LRRC31: variants seen among roughly 807,000 people sequenced by gnomAD.
LRRC31 encodes leucine-rich repeat-containing protein 31.
A neutral mutation model predicts 46.7 loss-of-function variants in LRRC31; 35 were observed. That is an observed-to-expected ratio of 0.75 (90% CI 0.57 to 0.99). The LOEUF is 0.99. Among genes scored for constraint, LRRC31 ranks in the 50% least tolerant of loss-of-function variants. The probability of loss-of-function intolerance (pLI) is 0.00; values close to 1 mark genes in which losing one functional copy is unlikely to be tolerated. For synonymous variants in LRRC31, 236 were observed against 235.1 expected (o/e 1.00, Z -0.03); for missense variants, 613 against 626.1 (o/e 0.98, Z 0.22).
chr3:169,864,075 G>A (rs1163506924), intron 1 of LRRC31, among the ~76,000 whole-genome samples: 1 of 151,834 alleles, frequency 6.6e-6, no homozygotes, highest in East Asian at 1.9e-4. Context: ...TCTTATTGCT[G>A]TCTCTCTTTT....
At chr3:169,866,823 A>C (rs898237007) in intron 1 of LRRC31, among the ~76,000 whole-genome samples, 3 of 152,070 alleles carry the variant, frequency 2.0e-5, no homozygotes, top group Admixed American at 6.6e-5. Flanking sequence ...TTAGCTGGGC[A>C]TGGTGGCGGA....
intron 8 of LRRC31, among the ~76,000 whole-genome samples, chr3:169,840,553 T>A (rs1780418773): frequency 6.6e-6 from 1 of 152,206 alleles, no homozygotes; most frequent in South Asian, 2.1e-4. Flanking sequence ...TTTTTTTTTG[T>A]CAAGTTCCTG....
At chr3:169,867,047 G>GTTTTTTTTTTTTTTTT (rs1560636105) in intron 1 of LRRC31, among the ~76,000 whole-genome samples, 13 of 92,674 alleles carry the variant, frequency 1.4e-4, no homozygotes, top group Middle Eastern at 5.0e-3. Context: ...GGTTTTTTTT[G>GTTTTTTTTTTTTTTTT]TTTGTTTGTT....
At chr3:169,864,816 C>T (rs1781280784) in intron 1 of LRRC31, among the ~76,000 whole-genome samples, 1 of 152,160 alleles carries the variant, frequency 6.6e-6, no homozygotes, top group African/African-American at 2.4e-5. Flanking sequence ...GTGGCTCATG[C>T]CTGTGATCCC....
At chr3:169,859,672 A>T (rs1358813730) in intron 3 of LRRC31, among the ~76,000 whole-genome samples, 5 of 152,322 alleles carry the variant, frequency 3.3e-5, no homozygotes, top group African/African-American at 1.2e-4. Context: ...GTTCTAGTTA[A>T]ACTATTAACT....
chr3:169,847,026 T>C (rs771415006), intron 8 of LRRC31, among the ~76,000 whole-genome samples: 3 of 152,176 alleles, frequency 2.0e-5, no homozygotes, highest in African/African-American at 4.8e-5. Context: ...CTGGAGTGAC[T>C]GTTCTGGCCC....
At chr3:169,858,054 A>G (rs1352992696) in intron 3 of LRRC31, among the ~76,000 whole-genome samples, 1 of 152,126 alleles carries the variant, frequency 6.6e-6, no homozygotes, top group Admixed American at 6.5e-5. Flanking sequence ...ACTCGGTACT[A>G]AACTATTATA....
chr3:169,854,029 C>A (rs964440055), intron 6 of LRRC31, among the ~76,000 whole-genome samples: 6 of 152,190 alleles, frequency 3.9e-5, no homozygotes, highest in Admixed American at 3.3e-4. Context: ...GCATGCCTGG[C>A]GTGTCTGAGA....
intron 1 of LRRC31, among the ~76,000 whole-genome samples, chr3:169,865,468 T>C (rs1262940545): frequency 6.6e-6 from 1 of 152,166 alleles, no homozygotes; most frequent in East Asian, 1.9e-4. Context: ...CTCTCGGTTC[T>C]TAGTGCTCTC....
Position 169,840,761 on chromosome 3 carries a change from G to C in LRRC31, c.1328-448C>G, listed in dbSNP as rs12330370. On this transcript the variant is annotated intron_variant, in intron 8 of 8. Transcript: ENST00000316428. ...CATTTTCCATATGCAGAACATACCTGGATAATTTCCAATTCACCTTAGAGA... is the reference window on the plus strand; with the variant it reads ...CATTTTCCATATGCAGAACATACCTCGATAATTTCCAATTCACCTTAGAGA... Among the ~76,000 whole-genome samples the C allele has an allele frequency of 5.5e-3, 841 of 152,202 alleles. 9 individuals carry two copies. The highest frequency in any genetic ancestry group is 0.019 in the African/African-American group (800 of 41,534).
In LRRC31 at chr3:169,856,464, T is replaced by C; in HGVS notation, c.695A>G (p.Asp232Gly). Residue 232 changes from aspartate to glycine, a missense_variant, in exon 5 of 9, where the codon GAT (aspartate) becomes GGT (glycine). By Grantham distance (94) the Asp-to-Gly change is moderately conservative. Transcript: ENST00000316428. Reference protein sequence around the residue: ...LPMLQSLEVLDLSINRDIVGS... With the variant: ...LPMLQSLEVLGLSINRDIVGS... ...AACAATGTCTCTGTTAATGGAAAGA[T>C]CAAGTACTTCGAGACTTTGCAGCAT... 1 of 1,604,712 alleles carries C rather than the reference T, an allele frequency of 6.2e-7. No individual in the cohort carries two copies. Among genetic ancestry groups the C allele is most frequent in the South Asian group, 1.1e-5 (1 of 89,442 alleles).
intron 3 of LRRC31, among the ~76,000 whole-genome samples, chr3:169,858,032 C>T (rs766804514): frequency 2.0e-5 from 3 of 152,132 alleles, no homozygotes; most frequent in Non-Finnish European, 4.4e-5. Context: ...ACTGGAGTGC[C>T]ATGCATTTGC....
At chr3:169,846,125 T>C (rs1445191650) in intron 8 of LRRC31, among the ~76,000 whole-genome samples, 1 of 152,212 alleles carries the variant, frequency 6.6e-6, no homozygotes, top group Non-Finnish European at 1.5e-5. Context: ...ACATCATTGG[T>C]CATTAGGGAA....
rs114691355 is a variant in LRRC31, at chr3:169,859,914, G to A, written c.487+647C>T. On this transcript the variant is annotated intron_variant, in intron 3 of 8. Transcript: ENST00000316428. Reference sequence around the variant, plus strand: ...TCTCAACACTTTGGGAGGCCAAGGTGAGTGGATTCCCTGAGGTCAGACGTT... The same window carrying A: ...TCTCAACACTTTGGGAGGCCAAGGTAAGTGGATTCCCTGAGGTCAGACGTT... 3.0e-3 allele frequency among the ~76,000 whole-genome samples: 449 copies of A among 152,138 alleles called. 3 individuals carry two copies. The highest frequency in any genetic ancestry group is 0.01 in the Middle Eastern group (3 of 294).
chr3:169,840,456 G>T, intron 8 of LRRC31, 143 bp from the exon 9 acceptor site: 1 of 872,440 alleles, frequency 1.1e-6, no homozygotes, highest in Non-Finnish European at 1.8e-6. Context: ...GCTTTATTCA[G>T]GACATCTGAA....
In LRRC31 at chr3:169,851,629, A is replaced by T. The variant is rs771001702; in HGVS notation, c.1149T>A (p.Phe383Leu). 1 of 1,613,732 alleles carries T rather than the reference A, an allele frequency of 6.2e-7. No individual in the cohort carries two copies. Among genetic ancestry groups the T allele is most frequent in the Non-Finnish European group, 8.5e-7 (1 of 1,179,870 alleles). Residue 383 changes from phenylalanine (F) to leucine (L), a missense_variant, in exon 7 of 9, where the codon TTT becomes TTA. By Grantham distance (22) the Phe-to-Leu change is conservative (BLOSUM62 0). Transcript: ENST00000316428. ...TGGGAAATCTCTTACCAAGAGCTGT[A>T]AAAGTCTCACTCTCCAAAGCACAGT... Reference protein sequence around the residue: ...INNCALESETFTALAEASVHL... With the variant: ...INNCALESETLTALAEASVHL...
At chr3:169,867,289 G>A (rs1268359923) in intron 1 of LRRC31, among the ~76,000 whole-genome samples, 51 of 123,812 alleles carry the variant, frequency 4.1e-4, no homozygotes, top group Admixed American at 6.8e-4. Context: ...TTGCTCTGTC[G>A]CCCAGACTGG....
chr3:169,851,344 C>T (rs1406947292), intron 7 of LRRC31, among the ~76,000 whole-genome samples: 6 of 152,024 alleles, frequency 3.9e-5, no homozygotes, highest in African/African-American at 9.7e-5. Context: ...ACCTGGGAAG[C>T]GGAGGTTGCA....
intron 8 of LRRC31, among the ~76,000 whole-genome samples, chr3:169,844,087 A>G (rs889625059): frequency 1.3e-5 from 2 of 152,230 alleles, no homozygotes; most frequent in African/African-American, 4.8e-5. Context: ...AAGAGGAAGG[A>G]ACACTTTCCA....
Sources: allele counts gnomAD v4.1 joint callset (sites outside exome capture counted in the v4.1 genomes callset), GRCh38; gene constraint gnomAD v4.1.1; transcripts MANE v1.5; gene names NCBI Gene and HGNC (gene_info 2026-07-23, HGNC 2026-07-21).